Variants in C1QTNF7 observed in about 807,000 individuals in gnomAD.
C1QTNF7 encodes the protein C1q and TNF related 7.
C1QTNF7 carries 15 observed loss-of-function variants against 19.6 expected under a neutral mutation model. The ratio of observed to expected loss-of-function variants is 0.76; its 90% CI spans 0.51 to 1.18. The LOEUF is 1.18. Ranked by LOEUF, C1QTNF7 falls within the 50% of genes most tolerant of loss-of-function variation. The probability of loss-of-function intolerance (pLI) is 0.00; values close to 1 mark genes in which losing one functional copy is unlikely to be tolerated. For synonymous variants in C1QTNF7, 142 were observed against 137.5 expected, an observed-to-expected ratio of 1.03 and a Z score of -0.23; for missense variants, 324 against 359.7, an observed-to-expected ratio of 0.90 and a Z score of 0.80.
At position 15,444,066 on chromosome 4, in the gene C1QTNF7, C is replaced by T. The variant is rs889813906; in HGVS notation, c.*1267C>T. ...TGAACTGCAATTCTTCAATTATTCTCTTCCATGATTTTGTCTGATCTACCA... is the reference window on the plus strand; with the variant it reads ...TGAACTGCAATTCTTCAATTATTCTTTTCCATGATTTTGTCTGATCTACCA... On this transcript the variant is annotated 3_prime_UTR_variant, in exon 3 of 3. Coordinates refer to ENST00000444304, the MANE Select transcript of C1QTNF7 (RefSeq NM_031911.5). The T allele has an allele frequency of 3.3e-5, 5 of 152,192 alleles. No homozygotes were observed. The highest frequency in any genetic ancestry group is 1.9e-4 in the East Asian group (1 of 5,192). 9.4% of individuals were successfully genotyped at this position (152,192 alleles called of 1,614,324 possible).
chr4:15,357,159 G>A (rs1414825685), intron 1 of C1QTNF7, among the ~76,000 whole-genome samples: 2 of 152,130 alleles, frequency 1.3e-5, no homozygotes, highest in African/African-American at 2.4e-5. Flanking sequence ...TTTTAGTCAT[G>A]AAGTCTTTGC....
At chr4:15,440,245 T>A (rs1712696576) in intron 2 of C1QTNF7, among the ~76,000 whole-genome samples, 1 of 152,118 alleles carries the variant, frequency 6.6e-6, no homozygotes, top group Admixed American at 6.5e-5. Context: ...TCAGAAAAAT[T>A]AAGGGACTTA....
intron 1 of C1QTNF7, among the ~76,000 whole-genome samples, chr4:15,422,118 T>C (rs944090341): frequency 2.0e-5 from 3 of 151,664 alleles, no homozygotes; most frequent in Non-Finnish European, 2.9e-5. Flanking sequence ...GTTATACAAT[T>C]GCATACATTG....
At chr4:15,409,425 C>G (rs1194136441) in intron 1 of C1QTNF7, among the ~76,000 whole-genome samples, 1 of 152,158 alleles carries the variant, frequency 6.6e-6, no homozygotes, top group Non-Finnish European at 1.5e-5. Flanking sequence ...TTATTTAGTG[C>G]TCCTTATTTA....
chr4:15,429,267 T>C (rs1241571532), intron 1 of C1QTNF7, among the ~76,000 whole-genome samples: 1 of 152,232 alleles, frequency 6.6e-6, no homozygotes, highest in Non-Finnish European at 1.5e-5. Flanking sequence ...ACCATTCTTA[T>C]GTGTACGGTT....
intron 1 of C1QTNF7, among the ~76,000 whole-genome samples, chr4:15,372,193 C>T (rs1717759569): frequency 6.6e-6 from 1 of 152,170 alleles, no homozygotes. Flanking sequence ...TGTGTCACCC[C>T]AAAATTCATG....
At chr4:15,351,213 A>C (rs1423025402) in intron 1 of C1QTNF7, among the ~76,000 whole-genome samples, 1 of 152,164 alleles carries the variant, frequency 6.6e-6, no homozygotes, top group Non-Finnish European at 1.5e-5. Context: ...AAAATCATAA[A>C]ATATAAGATT....
chr4:15,364,664 C>T (rs1168532983), intron 1 of C1QTNF7, among the ~76,000 whole-genome samples: 2 of 152,122 alleles, frequency 1.3e-5, no homozygotes, highest in Non-Finnish European at 1.5e-5. Context: ...AAAGAAATTA[C>T]ACATAAACTT....
intron 1 of C1QTNF7, among the ~76,000 whole-genome samples, chr4:15,388,392 T>C (rs1168063108): frequency 6.6e-6 from 1 of 152,146 alleles, no homozygotes; most frequent in African/African-American, 2.4e-5. Context: ...CCAAATAAGT[T>C]ACAACATAAA....
At chr4:15,364,020 G>T (rs1165346028) in intron 1 of C1QTNF7, among the ~76,000 whole-genome samples, 1 of 152,124 alleles carries the variant, frequency 6.6e-6, no homozygotes, top group East Asian at 1.9e-4. Flanking sequence ...GCTTCCACTT[G>T]GAATGCCTTT....
At chr4:15,425,638 G>C (rs1468367785), upstream of C1QTNF7, among the ~76,000 whole-genome samples, 1 of 152,106 alleles carries the variant, frequency 6.6e-6, no homozygotes, top group Non-Finnish European at 1.5e-5. Flanking sequence ...AGGAAATATG[G>C]TAAGTAGTTA....
intron 2 of C1QTNF7, among the ~76,000 whole-genome samples, chr4:15,441,891 G>A (rs1351311488): frequency 1.3e-5 from 2 of 151,972 alleles, no homozygotes; most frequent in South Asian, 4.1e-4. Context: ...CGTAGTGGCA[G>A]GCGCCTATAA....
Position 15,444,717 on chromosome 4 carries a change from G to A in C1QTNF7, c.*1918G>A, listed in dbSNP as rs1712929312. 1.3e-5 allele frequency: 2 copies of A among 152,386 alleles called. No individual in the cohort carries two copies. The highest frequency in any genetic ancestry group is 1.9e-4 in the East Asian group (1 of 5,194). The allele number at this position is 152,386 out of a possible 1,614,324, so 9.4% of individuals were successfully genotyped here. ...GAAATGTTTACTTCCAAATTAGGAT[G>A]TGACAGAGAAGGGATAGGGAAATCC... is the stretch of plus-strand genomic sequence containing the variant. On this transcript the variant is annotated 3_prime_UTR_variant, in exon 3 of 3. Transcript: ENST00000444304.
intron 1 of C1QTNF7, among the ~76,000 whole-genome samples, chr4:15,419,092 G>A (rs1197995458): frequency 6.6e-6 from 1 of 152,192 alleles, no homozygotes; most frequent in Non-Finnish European, 1.5e-5. Flanking sequence ...CTGGCTGTGG[G>A]GGAACTTACA....
chr4:15,387,848 T>C (rs2036369663), intron 1 of C1QTNF7, among the ~76,000 whole-genome samples: 1 of 152,208 alleles, frequency 6.6e-6, no homozygotes, highest in South Asian at 2.1e-4. Context: ...CTGTATATAT[T>C]ACATATATAT....
intron 1 of C1QTNF7, among the ~76,000 whole-genome samples, chr4:15,393,019 C>T (rs569349354): frequency 3.3e-5 from 5 of 152,294 alleles, no homozygotes; most frequent in African/African-American, 7.2e-5. Flanking sequence ...AAAATTTCCA[C>T]GTGTTGTGGA....
chr4:15,340,256 G>A (rs1286867925), intron 1 of C1QTNF7: 3 of 1,545,302 alleles, frequency 1.9e-6, no homozygotes, highest in Middle Eastern at 3.3e-4. Flanking sequence ...CTCCTATTCG[G>A]CCTTCATCAA....
At chr4:15,343,232 G>A (rs561012483) in intron 1 of C1QTNF7, among the ~76,000 whole-genome samples, 2 of 152,298 alleles carry the variant, frequency 1.3e-5, no homozygotes, top group African/African-American at 4.8e-5. Context: ...TTTTTCTGAA[G>A]TATCACATAG....
At chr4:15,405,203 A>G (rs1008120480) in intron 1 of C1QTNF7, among the ~76,000 whole-genome samples, 2 of 152,166 alleles carry the variant, frequency 1.3e-5, no homozygotes, top group African/African-American at 4.8e-5. Flanking sequence ...CCACTGTTTC[A>G]TCCTGAACAT....
Sources: allele counts gnomAD v4.1 joint callset (sites outside exome capture counted in the v4.1 genomes callset), GRCh38; gene constraint gnomAD v4.1.1; transcripts MANE v1.5; gene names NCBI Gene and HGNC (gene_info 2026-07-23, HGNC 2026-07-21).